FBL: variants seen among roughly 807,000 people sequenced by gnomAD.
FBL encodes the protein rRNA 2'-O-methyltransferase fibrillarin.
Under a neutral mutation model 42.2 loss-of-function variants are expected in FBL, and 10 were observed. The observed-to-expected ratio is 0.24, with a 90% CI of 0.15 to 0.40. FBL has a LOEUF of 0.40. Among genes scored for constraint, FBL ranks in the 10% least tolerant of loss-of-function variants. The pLI is 1.00. For missense variants in FBL, 351 were observed against 439.2 expected (o/e 0.80, Z 1.79); for synonymous variants, 165 against 165.4 (o/e 1.00, Z 0.02).
At chr19:39,841,259 G>A (rs1329940185) in intron 1 of FBL, among the ~76,000 whole-genome samples, 1 of 148,776 alleles carries the variant, frequency 6.7e-6, no homozygotes, top group African/African-American at 2.5e-5. Flanking sequence ...GTCTCACTAT[G>A]TTGCCCAGGC....
chr19:39,838,064 A>C, intron 5 of FBL: 4 of 486,414 alleles, frequency 8.2e-6, no homozygotes, highest in East Asian at 4.1e-5. Context: ...AAAGTACCCA[A>C]TCCCATCTGC....
chr19:39,840,139 G>A lies in FBL; in HGVS notation c.378+94C>T. ...TACATATTATGACAATCCTCCAGCTGTCACGTGCAGGACACATGGTGAGGG... is the reference window on the plus strand; with the variant it reads ...TACATATTATGACAATCCTCCAGCTATCACGTGCAGGACACATGGTGAGGG... On this transcript the variant is annotated intron_variant, in intron 4 of 8. Transcript: ENST00000221801. The surrounding 1 kb of genome is among the most constrained non-coding windows in gnomAD (Gnocchi z 4.5). 2 of 853,524 alleles carry A rather than the reference G, an allele frequency of 2.3e-6. No homozygotes were observed. Among genetic ancestry groups the A allele is most frequent in the Non-Finnish European group, 2.0e-6 (1 of 503,156 alleles). 52.9% of individuals were successfully genotyped at this position (853,524 alleles called of 1,614,324 possible). A position where few individuals can be genotyped will look rare whatever the true frequency, so the allele number is the denominator to read the frequency against.
intron 1 of FBL, among the ~76,000 whole-genome samples, chr19:39,844,275 A>G (rs1969217183): frequency 6.6e-6 from 1 of 152,164 alleles, no homozygotes. Flanking sequence ...GAAAGTCTCA[A>G]CCCAGGCCTA....
chr19:39,839,320 A>C, intron 4 of FBL, 115 bp from the exon 5 acceptor site: 32 of 789,788 alleles, frequency 4.1e-5, no homozygotes, highest in Non-Finnish European at 5.8e-5. Flanking sequence ...ACAAGAACTC[A>C]ACATGAGTAA....
rs376533903 is a variant in FBL, at chr19:39,846,282, C to A, written c.10+9G>T. ...CGTCCCTGACCCCGGACCCTCACCC[C>A]AGCCTGACCTGGCTTCATGGCGAGC... On this transcript the variant is annotated intron_variant, in intron 1 of 8. Transcript: ENST00000221801. 3.7e-6 allele frequency: 6 copies of A among 1,613,850 alleles called. No homozygotes were observed. The African/African-American group carries it at 4.0e-5, about 11-fold the overall frequency.
At chr19:39,843,027 T>C (rs1969189189) in intron 1 of FBL, among the ~76,000 whole-genome samples, 1 of 152,212 alleles carries the variant, frequency 6.6e-6, no homozygotes, top group African/African-American at 2.4e-5. Flanking sequence ...TCTGATAAAA[T>C]GTTAGTTCCC....
Position 39,837,842 on chromosome 19 carries a change from T to C in FBL, c.551A>G (p.Asp184Gly). 2 of 1,613,210 alleles carry C rather than the reference T, an allele frequency of 1.2e-6. No individual in the cohort carries two copies. Among genetic ancestry groups the C allele is most frequent in the East Asian group, 2.2e-5 (1 of 44,742 alleles). Residue 184 changes from aspartate (D) to glycine (G), a missense_variant and splice_region_variant, in exon 6 of 9, where the codon GAT becomes GGT. By Grantham distance (94) the Asp-to-Gly change is moderately conservative. Coordinates refer to ENST00000221801, the MANE Select transcript of FBL (RefSeq NM_001436.4). ...GAACTCGACTGCATAGACTAGACCA[T>C]CCTAAAATAAATTAAAAATTAATGA... ...VSHVSDIVGP[D>G]GLVYAVEFSH...
chr19:39,845,809 G>C (rs1050687297), intron 1 of FBL, among the ~76,000 whole-genome samples: 2 of 152,206 alleles, frequency 1.3e-5, no homozygotes, highest in African/African-American at 4.8e-5. Flanking sequence ...GGAAAAGCTG[G>C]GATGCGGGAT....
In FBL at chr19:39,840,851, C is replaced by T; in HGVS notation, c.11-64G>A. On this transcript the variant is annotated intron_variant, in intron 1 of 8. Coordinates refer to ENST00000221801, the MANE Select transcript of FBL (RefSeq NM_001436.4). The surrounding 1 kb of genome is among the most constrained non-coding windows in gnomAD (Gnocchi z 4.5). ...TTAAAAGGTTAAACCACCTTGTACC[C>T]AGCAATACCTCTCAGGTGAGAAACC... is the stretch of plus-strand genomic sequence containing the variant. 7.1e-7 allele frequency: 1 copy of T among 1,411,982 alleles called. No homozygotes were observed. The highest frequency in any genetic ancestry group is 9.4e-7 in the Non-Finnish European group (1 of 1,061,264). 87.5% of individuals were successfully genotyped at this position (1,411,982 alleles called of 1,614,324 possible).
Position 39,839,035 on chromosome 19 carries a change from C to T in FBL, c.549G>A (p.Pro183=), listed in dbSNP as rs1473457437. ...TVSHVSDIVG[P]DGLVYAVEFS... Reference sequence around the variant, plus strand: ...CCTGACTCTCCATCTACTCACTCACCGGACCAACGATGTCAGAGACATGGG... The same window carrying T: ...CCTGACTCTCCATCTACTCACTCACTGGACCAACGATGTCAGAGACATGGG... Residue 183 remains proline, a splice_region_variant and synonymous_variant, in exon 5 of 9, where the codon CCG becomes CCA. Coordinates refer to ENST00000221801, the MANE Select transcript of FBL (RefSeq NM_001436.4). The T allele has an allele frequency of 6.2e-6, 10 of 1,607,832 alleles. No individual in the cohort carries two copies. Among genetic ancestry groups the T allele is most frequent in the African/African-American group, 2.7e-5 (2 of 74,724 alleles).
intron 5 of FBL, chr19:39,838,231 T>C (rs1292253095): frequency 6.1e-6 from 1 of 164,438 alleles, no homozygotes; most frequent in Non-Finnish European, 1.3e-5. Flanking sequence ...GAGGCTTGGA[T>C]GGGTTAGGTA....
rs890084892 is a variant in FBL, at chr19:39,840,944, G to C, written c.11-157C>G. The stretch of plus-strand genomic sequence containing the variant: ...ATGTCCACAGCAAAAGAAAAGTGAA[G>C]ACTAACCCAAATGTCCATCAATAGA... On this transcript the variant is annotated intron_variant, in intron 1 of 8. Transcript: ENST00000221801. This position sits in a 1 kb window ranked among gnomAD's most constrained non-coding sequence, Gnocchi z 4.5. Among the ~76,000 whole-genome samples the C allele has an allele frequency of 1.3e-5, 2 of 152,212 alleles. No homozygotes were observed. Among genetic ancestry groups the C allele is most frequent in the African/African-American group, 2.4e-5 (1 of 41,452 alleles).
At position 39,846,359 on chromosome 19, in the gene FBL, G is replaced by A. The variant is rs988276683; in HGVS notation, c.-59C>T. 1.2e-6 allele frequency: 2 copies of A among 1,604,734 alleles called. No homozygotes were observed. The highest frequency in any genetic ancestry group is 1.3e-5 in the African/African-American group (1 of 74,528). On this transcript the variant is annotated 5_prime_UTR_variant, in exon 1 of 9. Coordinates refer to ENST00000221801, the MANE Select transcript of FBL (RefSeq NM_001436.4). ...CGGCGTTCACAACTCCACGAGTCCG[G>A]GGCTTTCGCACGTGGAAAAGAGCGC...
rs769261583 is a variant in FBL, at chr19:39,840,298, C to A, written c.313G>T (p.Ala105Ser). 1.9e-6 allele frequency: 3 copies of A among 1,613,960 alleles called. No individual in the cohort carries two copies. The African/African-American group carries it at 4.0e-5, about 22-fold the overall frequency. ...GVFICRGKED[A>S]LVTKNLVPGE... ...GGGACCAGGTTCTTGGTGACCAGTG[C>A]ATCTTCCTTTCCTCGACAAATGAAG... is the stretch of plus-strand genomic sequence containing the variant. Residue 105 changes from alanine (A) to serine (S), a missense_variant, in exon 4 of 9, where the codon GCA becomes TCA. Ala to Ser is a moderately conservative substitution (Grantham distance 99). Coordinates refer to ENST00000221801, the MANE Select transcript of FBL (RefSeq NM_001436.4). This position sits in a 1 kb window ranked among gnomAD's most constrained non-coding sequence, Gnocchi z 4.5.
chr19:39,836,431 A>C lies in FBL; in HGVS notation c.795+125T>G, dbSNP rs200655219. The stretch of plus-strand genomic sequence containing the variant: ...ACCGCTGCACTCTCCTGCCTCTTTA[A>C]ATCCAAAGCTATAGTTTTGCAGACT... On this transcript the variant is annotated intron_variant, in intron 7 of 8. Coordinates refer to ENST00000221801, the MANE Select transcript of FBL (RefSeq NM_001436.4). 9 of 589,552 alleles carry C rather than the reference A, an allele frequency of 1.5e-5. No homozygotes were observed. In the East Asian group the frequency reaches 2.8e-4, roughly 18 times the overall value. The allele number at this position is 589,552 out of a possible 1,614,324, so 36.5% of individuals were successfully genotyped here.
intron 6 of FBL, among the ~76,000 whole-genome samples, chr19:39,837,105 A>T (rs1378972188): frequency 6.6e-6 from 1 of 152,244 alleles, no homozygotes; most frequent in Non-Finnish European, 1.5e-5. Context: ...TGCATGGGAA[A>T]AATAAAACAC....
intron 1 of FBL, among the ~76,000 whole-genome samples, chr19:39,843,199 C>G (rs1969193073): frequency 6.6e-6 from 1 of 152,136 alleles, no homozygotes; most frequent in Admixed American, 6.5e-5. Flanking sequence ...CCACCGCATC[C>G]CCAAAACCCT....
intron 1 of FBL, among the ~76,000 whole-genome samples, chr19:39,844,474 G>T (rs1969221374): frequency 6.7e-6 from 1 of 148,490 alleles, no homozygotes; most frequent in Non-Finnish European, 1.5e-5. Flanking sequence ...CTTTTTTTGG[G>T]GGGAGGGGGG....
At chr19:39,839,344 T>C in intron 4 of FBL, 139 bp from the exon 5 acceptor site, 1 of 651,284 alleles carries the variant, frequency 1.5e-6, no homozygotes. Flanking sequence ...GCAGTGACCA[T>C]GCACATGCAG....
Sources: gnomAD v4.1 joint callset for allele counts (sites outside exome capture counted in the v4.1 genomes callset) on GRCh38, gnomAD v4.1.1 for gene constraint, Gnocchi (gnomAD v3.1) non-coding constraint, MANE v1.5 for transcripts, NCBI Gene and HGNC (gene_info 2026-07-23, HGNC 2026-07-21) for gene names.